The following ZFC3H1 variants were observed in gnomAD, a reference collection of about 807,000 sequenced individuals.
ZFC3H1 encodes zinc finger C3H1-type containing, also known as zinc finger C3H1 domain-containing protein.
A neutral mutation model predicts 243.7 loss-of-function variants in ZFC3H1; 71 were observed. That is an observed-to-expected ratio of 0.29 (90% CI 0.24 to 0.36). ZFC3H1 has a LOEUF of 0.36. Ranked by LOEUF, ZFC3H1 falls within the 10% of genes least tolerant of loss-of-function variation. ZFC3H1 has a pLI of 1.00. For missense variants in ZFC3H1, 1,966 were observed against 2,317.1 expected (o/e 0.85, Z 3.11); for synonymous variants, 838 against 813.0 (o/e 1.03, Z -0.52).
Position 71,624,227 on chromosome 12 carries a change from C to A in ZFC3H1, c.4383G>T (p.Leu1461=). The A allele has an allele frequency of 6.2e-7, 1 of 1,614,052 alleles. No homozygotes were observed. The change falls in exon 23 of 35, where the codon CTG becomes CTT. Residue 1461 remains leucine, a synonymous_variant. Transcript: ENST00000378743. The part of the protein sequence containing the change: ...DYVCERMLEF[L]MGAAKQETSN... ...ATGTTTCCTGCTTGGCTGCTCCCAT[C>A]AGAAACTCCAACATTCTCTCACATA...
chr12:71,634,960 T>C, intron 10 of ZFC3H1, 135 bp from the exon 11 acceptor site: 1 of 1,095,898 alleles, frequency 9.1e-7, no homozygotes, highest in East Asian at 2.8e-5. Flanking sequence ...CATTTTCTAT[T>C]CTTTTTTCTA....
intron 4 of ZFC3H1, 79 bp from the exon 5 acceptor site, chr12:71,644,397 T>C: frequency 2.1e-6 from 3 of 1,406,324 alleles, no homozygotes; most frequent in South Asian, 1.4e-5. Context: ...ATATTTTCAT[T>C]ATTGATTAAT....
intron 13 of ZFC3H1, 86 bp from the exon 14 acceptor site, chr12:71,633,103 C>G: frequency 7.0e-7 from 1 of 1,435,016 alleles, no homozygotes. Flanking sequence ...GGCTTTTGAG[C>G]ATTCAACTGA....
At chr12:71,622,416 C>G (rs1236435353) in intron 24 of ZFC3H1, among the ~76,000 whole-genome samples, 1 of 152,116 alleles carries the variant, frequency 6.6e-6, no homozygotes, top group Non-Finnish European at 1.5e-5. Flanking sequence ...CCTTTGGGTT[C>G]ATGGCCTGTA....
rs1016005580 is a variant in ZFC3H1, at chr12:71,644,402, A to G, written c.1280-84T>C. ...GTCTTAAAAAATATTTTCATTATTG[A>G]TTAATCAGTGATGATGCTCCTAAGT... On this transcript the variant is annotated intron_variant, in intron 4 of 34. Transcript: ENST00000378743. 6 of 1,394,442 alleles carry G rather than the reference A, an allele frequency of 4.3e-6. No individual in the cohort carries two copies. In the South Asian group the frequency reaches 8.5e-5, roughly 20 times the overall value. 86.4% of individuals were successfully genotyped at this position (1,394,442 alleles called of 1,614,324 possible). A position where few individuals can be genotyped will look rare whatever the true frequency, so the allele number is the denominator to read the frequency against.
intron 30 of ZFC3H1, 74 bp downstream of exon 30, chr12:71,614,461 A>C: frequency 7.3e-7 from 1 of 1,363,812 alleles, no homozygotes; most frequent in Non-Finnish European, 9.8e-7. Context: ...GATATAAAAC[A>C]GGAGTTTTGC....
intron 31 of ZFC3H1, 108 bp from the exon 32 acceptor site, chr12:71,611,995 A>G: frequency 1.7e-6 from 1 of 591,238 alleles, no homozygotes; most frequent in Non-Finnish European, 2.9e-6. Context: ...GTTAAATTCC[A>G]TCAAGACTAC....
At chr12:71,637,612 A>G (rs1880495934) in intron 7 of ZFC3H1, among the ~76,000 whole-genome samples, 1 of 152,184 alleles carries the variant, frequency 6.6e-6, no homozygotes. Context: ...TTGGATATGT[A>G]TTTGCATCAA....
intron 10 of ZFC3H1, 138 bp downstream of exon 10, chr12:71,635,305 A>T: frequency 1.8e-6 from 2 of 1,131,212 alleles, no homozygotes; most frequent in East Asian, 5.9e-5. Context: ...AAGTCCTAAT[A>T]GCACAAATAC....
At chr12:71,646,280 T>C (rs1366551602) in intron 3 of ZFC3H1, among the ~76,000 whole-genome samples, 2 of 152,200 alleles carry the variant, frequency 1.3e-5, no homozygotes, top group Non-Finnish European at 2.9e-5. Context: ...TGGTTCTTTT[T>C]TAAATTCTAC....
chr12:71,651,416 T>C (rs767221589), intron 2 of ZFC3H1, among the ~76,000 whole-genome samples: 3 of 152,332 alleles, frequency 2.0e-5, no homozygotes, highest in Admixed American at 6.5e-5. Context: ...TTACACATCA[T>C]GTTTACTGTT....
chr12:71,660,534 C>T (rs1413136544), intron 1 of ZFC3H1: 11 of 150,586 alleles, frequency 7.3e-5, no homozygotes, highest in African/African-American at 2.4e-4. Context: ...TTTTTTGCAA[C>T]ATCATATGCC....
At chr12:71,629,252 G>A (rs1033945923) in intron 19 of ZFC3H1, among the ~76,000 whole-genome samples, 5 of 150,236 alleles carry the variant, frequency 3.3e-5, no homozygotes, top group African/African-American at 7.4e-5. Context: ...TGCAACCTCC[G>A]CCTCTCGGGT....
intron 18 of ZFC3H1, 25 bp from the exon 19 acceptor site, chr12:71,629,735 C>G (rs759250343): frequency 5.1e-6 from 7 of 1,371,924 alleles, no homozygotes; most frequent in Non-Finnish European, 6.2e-6. Context: ...ATGCAATCTT[C>G]ATGATAAATA....
chr12:71,636,839 AC>A lies in ZFC3H1; in HGVS notation c.1935+10del, dbSNP rs1214301549. 1 of 1,613,580 alleles carries A rather than the reference AC, an allele frequency of 6.2e-7. No individual in the cohort carries two copies. On this transcript the variant is annotated intron_variant, in intron 8 of 34. Coordinates refer to ENST00000378743, the MANE Select transcript of ZFC3H1 (RefSeq NM_144982.5). ...AAGAGCACCACCTAGAGGTTTAGGT[AC>A]CTAAATTACCTCTGGCTTAAAAGCT... is the stretch of plus-strand genomic sequence containing the variant.
chr12:71,614,394 A>G (rs1339920499), intron 30 of ZFC3H1, 141 bp downstream of exon 30: 11 of 726,714 alleles, frequency 1.5e-5, no homozygotes, highest in Non-Finnish European at 2.0e-5. Flanking sequence ...ATAAATAAGA[A>G]ACATAGTCAA....
chr12:71,612,890 G>A (rs1398382161), intron 31 of ZFC3H1, among the ~76,000 whole-genome samples: 2 of 152,290 alleles, frequency 1.3e-5, no homozygotes, highest in East Asian at 3.9e-4. Context: ...CAAAAATGTA[G>A]TGTGAGGGCT....
Position 71,663,257 on chromosome 12 carries a change from C to G in ZFC3H1, c.354G>C (p.Arg118=), listed in dbSNP as rs769153347. The G allele has an allele frequency of 6.2e-6, 10 of 1,613,768 alleles. No homozygotes were observed. The highest frequency in any genetic ancestry group is 7.6e-6 in the Non-Finnish European group (9 of 1,180,050). Residue 118 remains arginine, a synonymous_variant, in exon 1 of 35, where the codon CGG becomes CGC. Coordinates refer to ENST00000378743, the MANE Select transcript of ZFC3H1 (RefSeq NM_144982.5). ...TTTCGGACAGTGAGCTCGAAGGCAT[C>G]CGTACAGAAGGCGGATGAGACCGGA... ...EPFRSHPPSV[R]MPSSSLSESS... is the part of the protein sequence containing the mutation.
At chr12:71,651,372 C>G (rs1319550921) in intron 2 of ZFC3H1, among the ~76,000 whole-genome samples, 1 of 152,160 alleles carries the variant, frequency 6.6e-6, no homozygotes, top group Non-Finnish European at 1.5e-5. Flanking sequence ...TCCTACCTAC[C>G]CTGCTATACT....
Sources: gnomAD v4.1 joint callset for allele counts (sites outside exome capture counted in the v4.1 genomes callset) on GRCh38, gnomAD v4.1.1 for gene constraint, MANE v1.5 for transcripts, NCBI Gene and HGNC (gene_info 2026-07-23, HGNC 2026-07-21) for gene names.